The following NOL4L variants were observed in gnomAD, a reference collection of about 807,000 sequenced individuals.
The protein encoded by NOL4L is nucleolar protein 4-like.
Under a neutral mutation model 64.5 loss-of-function variants are expected in NOL4L, and 7 were observed. The ratio of observed to expected loss-of-function variants is 0.11; its 90% CI spans 0.06 to 0.20. The LOEUF (loss-of-function observed/expected upper bound fraction) is 0.20, where lower values mean the gene tolerates loss of function less well. Among genes scored for constraint, NOL4L ranks in the 10% least tolerant of loss-of-function variants. The pLI, the probability that NOL4L is intolerant of heterozygous loss-of-function variation, is 1.00. For synonymous variants in NOL4L, 413 were observed against 401.0 expected, an observed-to-expected ratio of 1.03 and a Z score of -0.36; for missense variants, 680 against 967.1, an observed-to-expected ratio of 0.70 and a Z score of 3.94.
At chr20:32,519,332 C>T (rs1283499889) in intron 3 of NOL4L, 3 of 152,240 alleles carry the variant, frequency 2.0e-5, no homozygotes, top group Non-Finnish European at 4.4e-5. Context: ...GAAAGCCCCG[C>T]TTGACGCCCA....
At chr20:32,561,708 A>G (rs1300176363) in intron 1 of NOL4L, among the ~76,000 whole-genome samples, 1 of 152,144 alleles carries the variant, frequency 6.6e-6, no homozygotes, top group East Asian at 1.9e-4. Flanking sequence ...CATGGGCCCA[A>G]ATCCCAGCTT....
intron 5 of NOL4L, among the ~76,000 whole-genome samples, chr20:32,467,690 T>G (rs199791919): frequency 6.6e-6 from 1 of 152,124 alleles, no homozygotes; most frequent in South Asian, 2.1e-4. Flanking sequence ...GCTGTCCACA[T>G]CTGGTCCTCA....
intron 5 of NOL4L, among the ~76,000 whole-genome samples, chr20:32,457,628 G>A (rs1326543330): frequency 1.3e-5 from 2 of 152,210 alleles, no homozygotes; most frequent in Non-Finnish European, 2.9e-5. Context: ...CCATCATGCA[G>A]CCAGGCCGGG....
chr20:32,481,887 T>A (rs1303025974), intron 4 of NOL4L, among the ~76,000 whole-genome samples: 1 of 120,236 alleles, frequency 8.3e-6, no homozygotes, highest in African/African-American at 3.2e-5. Context: ...CAGATGGCTC[T>A]CCCCAGAAGA....
chr20:32,488,746 T>C (rs187863423), intron 4 of NOL4L, among the ~76,000 whole-genome samples: 27 of 138,900 alleles, frequency 1.9e-4, no homozygotes, highest in East Asian at 1.9e-3. Context: ...TCTTTCTTTC[T>C]TTTCCTTCCT....
chr20:32,468,574 G>A (rs2014743557), intron 5 of NOL4L, among the ~76,000 whole-genome samples: 1 of 152,156 alleles, frequency 6.6e-6, no homozygotes, highest in African/African-American at 2.4e-5. Flanking sequence ...CCAGCCCTGA[G>A]GGGCACCCTG....
intron 1 of NOL4L, among the ~76,000 whole-genome samples, chr20:32,557,924 G>C (rs1435082287): frequency 6.6e-6 from 1 of 152,120 alleles, no homozygotes; most frequent in Non-Finnish European, 1.5e-5. Flanking sequence ...AAGTAGCCAG[G>C]CATGGTGGCA....
At chr20:32,462,402 C>A (rs917794535) in intron 5 of NOL4L, among the ~76,000 whole-genome samples, 1 of 152,148 alleles carries the variant, frequency 6.6e-6, no homozygotes, top group African/African-American at 2.4e-5. Context: ...CCAGCTCAGT[C>A]CTGAGGAGGC....
chr20:32,526,826 G>C (rs561871490), intron 2 of NOL4L, among the ~76,000 whole-genome samples: 2 of 152,192 alleles, frequency 1.3e-5, no homozygotes, highest in Non-Finnish European at 2.9e-5. Flanking sequence ...AGCATGAAGG[G>C]CTTGGCTTTA....
intron 4 of NOL4L, among the ~76,000 whole-genome samples, chr20:32,496,587 G>A (rs2016696645): frequency 6.6e-6 from 1 of 150,754 alleles, no homozygotes; most frequent in African/African-American, 2.4e-5. Context: ...TTTCACTCTT[G>A]TTGCCCAAGC....
chr20:32,493,168 C>T (rs1185208989), intron 4 of NOL4L, among the ~76,000 whole-genome samples: 6 of 152,180 alleles, frequency 3.9e-5, no homozygotes, highest in Non-Finnish European at 7.4e-5. Flanking sequence ...GCTGGCTCTC[C>T]GGCAGGTGAG....
At chr20:32,577,932 G>A (rs1980215758) in intron 1 of NOL4L, among the ~76,000 whole-genome samples, 1 of 152,076 alleles carries the variant, frequency 6.6e-6, no homozygotes, top group Admixed American at 6.6e-5. Flanking sequence ...TCACATAGCA[G>A]CTAACATTTC....
At chr20:32,450,245 A>G (rs1398219417) in intron 10 of NOL4L, 1 of 152,282 alleles carries the variant, frequency 6.6e-6, no homozygotes, top group Non-Finnish European at 1.5e-5. Flanking sequence ...CGGCTGAGGT[A>G]CCAAACTGAT....
rs1014931209 is a variant in NOL4L, at chr20:32,447,159, A to AAAAT, written c.*433_*436dup. On this transcript the variant is annotated 3_prime_UTR_variant, in exon 11 of 11. Transcript: ENST00000621426. ...AAACACAAAAGAATCCATTTTCAGA[A>AAAAT]AAATAAATTACTAAGGGGAGAGGAA... The AAAAT allele has an allele frequency of 4.5e-6, 2 of 446,260 alleles. No homozygotes were observed. Among genetic ancestry groups the AAAAT allele is most frequent in the African/African-American group, 4.1e-5 (2 of 49,272 alleles). The allele number at this position is 446,260 out of a possible 1,614,324, so 27.6% of individuals were successfully genotyped here.
At chr20:32,578,268 GT>G (rs1038746456) in intron 1 of NOL4L, among the ~76,000 whole-genome samples, 3 of 152,114 alleles carry the variant, frequency 2.0e-5, no homozygotes, top group Non-Finnish European at 2.9e-5. Flanking sequence ...CCCTTTACCT[GT>G]TCTCTACATC....
chr20:32,468,917 A>AAAAAAAAAAAAAAAAAAAAG (rs1555792102), intron 5 of NOL4L, among the ~76,000 whole-genome samples: 1 of 109,760 alleles, frequency 9.1e-6, no homozygotes, highest in African/African-American at 3.9e-5. Flanking sequence ...AAAAAAAAAA[A>AAAAAAAAAAAAAAAAAAAAG]AAAGAAAGAA....
chr20:32,493,506 G>A (rs1221528449), intron 4 of NOL4L, among the ~76,000 whole-genome samples: 1 of 152,108 alleles, frequency 6.6e-6, no homozygotes, highest in African/African-American at 2.4e-5. Context: ...TCAGGCAGGT[G>A]ACTTGACTCT....
intron 1 of NOL4L, among the ~76,000 whole-genome samples, chr20:32,534,358 T>C (rs61053604): frequency 0.13 from 20,463 of 152,194 alleles, 1,960 homozygotes; most frequent in African/African-American, 0.27. Context: ...GAAGCAAATC[T>C]TTGGCTACCA....
At chr20:32,462,068 C>T (rs960258844) in intron 5 of NOL4L, among the ~76,000 whole-genome samples, 2 of 152,062 alleles carry the variant, frequency 1.3e-5, no homozygotes, top group Non-Finnish European at 2.9e-5. Context: ...GAGGACATCA[C>T]GCGGGGACTC....
Sources: allele counts gnomAD v4.1 joint callset (sites outside exome capture counted in the v4.1 genomes callset), GRCh38; gene constraint gnomAD v4.1.1; transcripts MANE v1.5; gene names NCBI Gene and HGNC (gene_info 2026-07-23, HGNC 2026-07-21).